The following THBS3 variants were observed in gnomAD, a reference collection of about 807,000 sequenced individuals.
THBS3 encodes thrombospondin 3, also known as thrombospondin-3.
THBS3 carries 78 observed loss-of-function variants against 118.3 expected under a neutral mutation model. The observed-to-expected ratio is 0.66, with a 90% confidence interval of 0.55 to 0.80. The LOEUF is 0.80. Among genes scored for constraint, THBS3 ranks in the 30% least tolerant of loss-of-function variants. The pLI, the probability that THBS3 is intolerant of heterozygous loss-of-function variation, is 0.00. For synonymous variants in THBS3, 427 were observed against 475.3 expected, an observed-to-expected ratio of 0.90 and a Z score of 1.32; for missense variants, 1,057 against 1,247.4, an observed-to-expected ratio of 0.85 and a Z score of 2.30.
rs770773681 is a variant in THBS3 at position 155,201,465 on chromosome 1, G to A, written c.1281C>T (p.His427=). 3 of 1,613,536 alleles carry A rather than the reference G, an allele frequency of 1.9e-6. No homozygotes were observed. In the South Asian group the frequency reaches 3.3e-5, roughly 18 times the overall value. The stretch of plus-strand genomic sequence containing the variant: ...GTTCAAAGAGACAGTGAGCATGGAT[G>A]TGGCAGGGGCTGTGGGCTGGGCTGT... ...TCHSPAHSPC[H]IHAHCLFERN... Residue 427 remains histidine, a synonymous_variant, in exon 11 of 23, where the codon CAC becomes CAT. Coordinates refer to ENST00000368378, the MANE Select transcript of THBS3 (RefSeq NM_007112.5).
chr1:155,205,253 A>T lies in THBS3; in HGVS notation c.350T>A (p.Leu117Gln). ...AACTGTGTGTGTGCGCCCATCAGCC[A>T]GGCCCGCTTGCTGTAGGTTCACGGC... is the stretch of plus-strand genomic sequence containing the variant. ...VHAVNLQQAG[L>Q]ADGRTHTVLL... The change falls in exon 3 of 23, where the codon CTG becomes CAG. Residue 117 changes from leucine (L) to glutamine (Q), a missense_variant. This residue lies in a region of THBS3 where 206 missense variants were observed against 205.7 expected (regional missense o/e 1.00). Coordinates refer to ENST00000368378, the MANE Select transcript of THBS3 (RefSeq NM_007112.5). The T allele has an allele frequency of 6.2e-7, 1 of 1,614,110 alleles. No homozygotes were observed. Among genetic ancestry groups the T allele is most frequent in the South Asian group, 1.1e-5 (1 of 91,080 alleles).
chr1:155,195,930 G>A lies in THBS3; in HGVS notation c.2813-31C>T, dbSNP rs760092059. 1.9e-6 allele frequency: 3 copies of A among 1,614,034 alleles called. No individual in the cohort carries two copies. The East Asian group carries it at 6.7e-5, about 36-fold the overall frequency. ...GAAGGGGAAATAAGTAAGGTCAGAG[G>A]ATGTGGCTCTCCCACAAGGCATGAA... On this transcript the variant is annotated intron_variant, in intron 22 of 22. Coordinates refer to ENST00000368378, the MANE Select transcript of THBS3 (RefSeq NM_007112.5).
rs200951846 is a variant in THBS3, at chr1:155,206,376, C to T, written c.110G>A (p.Arg37Gln). The change falls in exon 2 of 23, where the codon CGG (arginine) becomes CAG (glutamine). Residue 37 changes from arginine (R) to glutamine (Q), a missense_variant. Arg to Gln is a conservative substitution (Grantham distance 43). This residue lies in a region of THBS3 where 206 missense variants were observed against 205.7 expected (regional missense o/e 1.00). Coordinates refer to ENST00000368378, the MANE Select transcript of THBS3 (RefSeq NM_007112.5). The surrounding 1 kb of genome is among the most constrained non-coding windows in gnomAD (Gnocchi z 4.2). Reference protein sequence around the residue: ...VIDLLTVGESRQMVAVAEKIR... With the variant: ...VIDLLTVGESQQMVAVAEKIR... ...CTTCTCTGCCACAGCTACCATCTGC[C>T]GAGACTCGCCCACAGTCAGCAGGTC... 58 of 1,614,108 alleles carry T rather than the reference C, an allele frequency of 3.6e-5. No individual in the cohort carries two copies. The highest frequency in any genetic ancestry group is 1.3e-4 in the Admixed American group (8 of 60,026).
chr1:155,198,365 C>T (rs1669057085), intron 17 of THBS3, 44 bp downstream of exon 17: 1 of 1,596,550 alleles, frequency 6.3e-7, no homozygotes, highest in African/African-American at 1.3e-5. Context: ...TCCACCTGGG[C>T]AAAGGCAACA....
chr1:155,197,490 C>T lies in THBS3; in HGVS notation c.2472G>A (p.Ala824=). The T allele has an allele frequency of 1.2e-6, 2 of 1,613,628 alleles. No homozygotes were observed. Among genetic ancestry groups the T allele is most frequent in the Non-Finnish European group, 1.7e-6 (2 of 1,179,982 alleles). The change falls in exon 20 of 23, where the codon GCG becomes GCA. Residue 824 remains alanine (A), a synonymous_variant. Transcript: ENST00000368378. This position sits in a 1 kb window ranked among gnomAD's most constrained non-coding sequence, Gnocchi z 5.0. ...QTYWQATPFR[A]VAQPGLQLKA... ...TGAGCTGCAGCCCGGGCTGGGCAAC[C>T]GCCCGGAAGGGTGTAGCCTGCCAGT...
chr1:155,199,898 C>T (rs368133052), intron 15 of THBS3, 42 bp from the exon 16 acceptor site: 10 of 1,612,734 alleles, frequency 6.2e-6, no homozygotes, highest in African/African-American at 1.3e-5. Context: ...CTCTTGATAA[C>T]TCTGAAGAGG....
Position 155,206,607 on chromosome 1 carries a change from G to A in THBS3, c.80-201C>T, listed in dbSNP as rs1287853134. On this transcript the variant is annotated intron_variant, in intron 1 of 22. Coordinates refer to ENST00000368378, the MANE Select transcript of THBS3 (RefSeq NM_007112.5). This position sits in a 1 kb window ranked among gnomAD's most constrained non-coding sequence, Gnocchi z 4.2. Reference sequence around the variant, plus strand: ...AGGCAGGTGGATCGCCTAAGGTCAGGAGTTCGAGACCAGCCTGGCCAACAC... The same window carrying A: ...AGGCAGGTGGATCGCCTAAGGTCAGAAGTTCGAGACCAGCCTGGCCAACAC... 6.6e-6 allele frequency among the ~76,000 whole-genome samples: 1 copy of A among 151,910 alleles called. No homozygotes were observed. Among genetic ancestry groups the A allele is most frequent in the Non-Finnish European group, 1.5e-5 (1 of 67,974 alleles).
chr1:155,199,271 G>A (rs969077348), intron 16 of THBS3, among the ~76,000 whole-genome samples: 5 of 150,734 alleles, frequency 3.3e-5, no homozygotes, highest in Admixed American at 2.0e-4. Context: ...TTAGCCGGGC[G>A]TGGTGGCAGG....
chr1:155,207,974 G>C, upstream of THBS3: 1 of 801,126 alleles, frequency 1.2e-6, no homozygotes, highest in East Asian at 4.8e-5. Flanking sequence ...GGACAGAATT[G>C]GAGGGGGGGC....
At chr1:155,208,735 C>T (rs1374856306), upstream of THBS3, 6 of 1,406,188 alleles carry the variant, frequency 4.3e-6, no homozygotes, top group South Asian at 3.2e-5. Context: ...CCGCCGCCAC[C>T]GCCCCTGTTT....
Position 155,198,453 on chromosome 1 carries a change from T to C in THBS3, c.2030A>G (p.Asp677Gly). 4.3e-6 allele frequency: 7 copies of C among 1,614,168 alleles called. No homozygotes were observed. Among genetic ancestry groups the C allele is most frequent in the Non-Finnish European group, 5.9e-6 (7 of 1,180,026 alleles). Residue 677 changes from aspartate (D) to glycine (G), a missense_variant, in exon 17 of 23, where the codon GAT becomes GGT. By Grantham distance (94) the Asp-to-Gly change is moderately conservative (BLOSUM62 -1). This residue lies in a region of THBS3 where 544 missense variants were observed against 715.6 expected (regional missense o/e 0.76). Coordinates refer to ENST00000368378, the MANE Select transcript of THBS3 (RefSeq NM_007112.5). Reference protein sequence around the residue: ...GIPDYVPPGPDNCRLVPNPNQ... With the variant: ...GIPDYVPPGPGNCRLVPNPNQ... Reference sequence around the variant, plus strand: ...GGGATTGGGTACCAGGCGGCAGTTATCGGGACCAGGAGGCACATAATCTGG... The same window carrying C: ...GGGATTGGGTACCAGGCGGCAGTTACCGGGACCAGGAGGCACATAATCTGG...
At position 155,197,810 on chromosome 1, in the gene THBS3, C is replaced by T. The variant is rs548609928; in HGVS notation, c.2302+70G>A. On this transcript the variant is annotated intron_variant, in intron 19 of 22. Transcript: ENST00000368378. The surrounding 1 kb of genome is among the most constrained non-coding windows in gnomAD (Gnocchi z 5.0). ...CTTTGCCCATTCTCCCTGTCTGTTT[C>T]CTCCCCTACCCTCTGCCCCTATAGG... is the stretch of plus-strand genomic sequence containing the variant. 33 of 1,607,970 alleles carry T rather than the reference C, an allele frequency of 2.1e-5. No individual in the cohort carries two copies. The South Asian group carries it at 3.2e-4, about 16-fold the overall frequency.
chr1:155,205,883 C>G (rs1670475071), intron 2 of THBS3, among the ~76,000 whole-genome samples: 1 of 152,184 alleles, frequency 6.6e-6, no homozygotes, highest in Non-Finnish European at 1.5e-5. Flanking sequence ...CTGACCTGTT[C>G]CAGGGATCTG....
chr1:155,203,026 A>G lies in THBS3; in HGVS notation c.808+60T>C, dbSNP rs568022565. The G allele has an allele frequency of 1.1e-4, 170 of 1,613,802 alleles. 1 individual carries two copies. In the South Asian group the frequency reaches 1.7e-3, roughly 16 times the overall value. On this transcript the variant is annotated intron_variant, in intron 7 of 22. Coordinates refer to ENST00000368378, the MANE Select transcript of THBS3 (RefSeq NM_007112.5). ...TTTAAGCCACCAGAAGGGAAAGCCAAAGCCATTGGGTGGGGAACGTGGCAC... is the reference window on the plus strand; with the variant it reads ...TTTAAGCCACCAGAAGGGAAAGCCAGAGCCATTGGGTGGGGAACGTGGCAC...
chr1:155,200,949 A>G lies in THBS3; in HGVS notation c.1496T>C (p.Val499Ala). The change falls in exon 13 of 23, where the codon GTG (valine) becomes GCG (alanine). Residue 499 changes from valine (V) to alanine (A), a missense_variant. Val to Ala is a moderately conservative substitution (Grantham distance 64, BLOSUM62 0). Coordinates refer to ENST00000368378, the MANE Select transcript of THBS3 (RefSeq NM_007112.5). ...SGQEDADNDG[V>A]GDQCDDDADG... ...AGCATCATCATCACACTGGTCCCCC[A>G]CACCATCATTATCAGCATCTTCCTG... 1 of 1,614,122 alleles carries G rather than the reference A, an allele frequency of 6.2e-7. No individual in the cohort carries two copies. The highest frequency in any genetic ancestry group is 8.5e-7 in the Non-Finnish European group (1 of 1,180,018).
At chr1:155,208,280 TG>T, upstream of THBS3, among the ~76,000 whole-genome samples, 1 of 152,296 alleles carries the variant, frequency 6.6e-6, no homozygotes, top group East Asian at 1.9e-4. Context: ...CAGGAAAGGA[TG>T]CCAAGGGAGT....
rs1295623162 is a variant in THBS3, at chr1:155,199,002, C to A, written c.1881-400G>T. 3.9e-5 allele frequency among the ~76,000 whole-genome samples: 6 copies of A among 152,048 alleles called. No individual in the cohort carries two copies. In the East Asian group the frequency reaches 9.6e-4, roughly 24 times the overall value. On this transcript the variant is annotated intron_variant, in intron 16 of 22. Transcript: ENST00000368378. ...GAGCTTGGTAGCACGCGCCTGTAAT[C>A]CCAGCTACTCGGGAGGCTGAGGCAG...
rs193041782 is a variant in THBS3 at position 155,199,270 on chromosome 1, C to T, written c.1880+534G>A. ...CTAAAAACACAAAAAATTAGCCGGG[C>T]GTGGTGGCAGGCGCCTGTAGTCCCA... On this transcript the variant is annotated intron_variant, in intron 16 of 22. Transcript: ENST00000368378. Among the ~76,000 whole-genome samples, 622 of 151,888 alleles carry T rather than the reference C, an allele frequency of 4.1e-3. 3 individuals are homozygous for T. Among genetic ancestry groups the T allele is most frequent in the Middle Eastern group, 0.01 (3 of 290 alleles).
rs760045792 is a variant in THBS3 at position 155,204,975 on chromosome 1, G to C, written c.544-18C>G. On this transcript the variant is annotated intron_variant, in intron 3 of 22. Coordinates refer to ENST00000368378, the MANE Select transcript of THBS3 (RefSeq NM_007112.5). ...ACAAAGCCCTGGGGGGATAGCAGCA[G>C]AGTAAGGTGGGAAGGTCTACCAACC... 5.6e-6 allele frequency: 9 copies of C among 1,613,858 alleles called. No individual in the cohort carries two copies. The South Asian group carries it at 7.7e-5, about 14-fold the overall frequency.
Sources: gnomAD v4.1 joint callset for allele counts (sites outside exome capture counted in the v4.1 genomes callset) on GRCh38, gnomAD v4.1.1 for gene constraint, gnomAD v4.1.1 regional missense constraint, Gnocchi (gnomAD v3.1) non-coding constraint, MANE v1.5 for transcripts, NCBI Gene and HGNC (gene_info 2026-07-23, HGNC 2026-07-21) for gene names.